PGLS: variants seen among roughly 807,000 people sequenced by gnomAD.
The protein encoded by PGLS is 6-phosphogluconolactonase.
In PGLS, 21 loss-of-function variants were observed where a neutral mutation model predicts 23.2. That is an observed-to-expected ratio of 0.91 (90% CI 0.64 to 1.31). The LOEUF is 1.31. Among genes scored for constraint, PGLS ranks in the 50% most tolerant of loss-of-function variants. PGLS has a pLI of 0.00. For missense variants in PGLS, 410 were observed against 354.0 expected (o/e 1.16, Z -1.27); for synonymous variants, 179 against 165.4 (o/e 1.08, Z -0.63).
chr19:17,521,147 G>T lies in PGLS; in HGVS notation c.*66G>T. ...CCATGGGGCTGGGCCCCTGCTGGCC[G>T]CCACTCTCCGGGCTCTCCTTTCAAA... On this transcript the variant is annotated 3_prime_UTR_variant, in exon 5 of 5. Coordinates refer to ENST00000252603, the MANE Select transcript of PGLS (RefSeq NM_012088.3). The T allele has an allele frequency of 7.0e-7, 1 of 1,431,226 alleles. No homozygotes were observed. Among genetic ancestry groups the T allele is most frequent in the Non-Finnish European group, 9.3e-7 (1 of 1,077,220 alleles). The allele number at this position is 1,431,226 out of a possible 1,614,324, so 88.7% of individuals were successfully genotyped here.
In PGLS at chr19:17,513,512, T is replaced by TAAAAA. The variant is rs34816451; in HGVS notation, c.288+1562_288+1566dup. 4.4e-5 allele frequency among the ~76,000 whole-genome samples: 6 copies of TAAAAA among 137,844 alleles called. 2 individuals carry two copies. The highest frequency in any genetic ancestry group is 4.7e-5 in the Non-Finnish European group (3 of 63,960). 90.4% of individuals were successfully genotyped at this position (137,844 alleles called of 152,430 possible). On this transcript the variant is annotated intron_variant, in intron 1 of 4. Transcript: ENST00000252603. ...CGACAGAGTGAGACTGTCTTAAAGATAAAAAAAAAAAAAAGCAGGTTTTTG... is the reference window on the plus strand; with the variant it reads ...CGACAGAGTGAGACTGTCTTAAAGATAAAAAAAAAAAAAAAAAAAGCAGGTTTTTG...
Position 17,516,297 on chromosome 19 carries a change from G to A in PGLS, c.396+17G>A, listed in dbSNP as rs1406443152. The A allele has an allele frequency of 3.1e-6, 5 of 1,608,910 alleles. No homozygotes were observed. The highest frequency in any genetic ancestry group is 1.7e-5 in the Admixed American group (1 of 59,464). ...CTGAGACAGGTGAGCCCCGAGGAGC[G>A]GCCGCAAGGGAGTCACATCCACGAA... On this transcript the variant is annotated intron_variant, in intron 2 of 4. Coordinates refer to ENST00000252603, the MANE Select transcript of PGLS (RefSeq NM_012088.3).
intron 1 of PGLS, 178 bp from the exon 2 acceptor site, chr19:17,515,995 T>C: frequency 1.9e-6 from 1 of 533,104 alleles, no homozygotes; most frequent in South Asian, 1.9e-5. Flanking sequence ...ATTCCAGAGG[T>C]GACTCACCAA....
intron 4 of PGLS, among the ~76,000 whole-genome samples, 176 bp downstream of exon 4, chr19:17,518,026 C>A (rs1209868574): frequency 1.9e-4 from 27 of 142,342 alleles, no homozygotes; most frequent in Non-Finnish European, 2.3e-4. Context: ...AAAAAAAAAA[C>A]CCCAGAAAAT....
Position 17,517,282 on chromosome 19 carries a change from G to C in PGLS, c.397-6G>C. Reference sequence around the variant, plus strand: ...CCTCTCAAGGCTGTCTTCTCCCCACGCCCAGGCATTCCAAGGGGACTCCAT... The same window carrying C: ...CCTCTCAAGGCTGTCTTCTCCCCACCCCCAGGCATTCCAAGGGGACTCCAT... On this transcript the variant is annotated splice_region_variant and splice_polypyrimidine_tract_variant and intron_variant, in intron 2 of 4. Coordinates refer to ENST00000252603, the MANE Select transcript of PGLS (RefSeq NM_012088.3). 6.2e-7 allele frequency: 1 copy of C among 1,607,996 alleles called. No homozygotes were observed. The highest frequency in any genetic ancestry group is 1.1e-5 in the South Asian group (1 of 90,848).
intron 1 of PGLS, among the ~76,000 whole-genome samples, chr19:17,515,334 G>A (rs1333348129): frequency 6.6e-6 from 1 of 152,168 alleles, no homozygotes. Flanking sequence ...CATTGCCTCA[G>A]CTCACTGAGC....
In PGLS at chr19:17,511,845, T is replaced by A. The variant is rs749837367; in HGVS notation, c.173T>A (p.Leu58Gln). 16 of 1,529,962 alleles carry A rather than the reference T, an allele frequency of 1.0e-5. No individual in the cohort carries two copies. The highest frequency in any genetic ancestry group is 2.0e-5 in the Admixed American group (1 of 50,432). 94.8% of individuals were successfully genotyped at this position (1,529,962 alleles called of 1,614,324 possible). The change falls in exon 1 of 5, where the codon CTA becomes CAA. Residue 58 changes from leucine (L) to glutamine (Q), a missense_variant. By Grantham distance (113) the Leu-to-Gln change is moderately radical. Coordinates refer to ENST00000252603, the MANE Select transcript of PGLS (RefSeq NM_012088.3). ...GSLVSMLARELPAAVAPAGPA... is the reference protein window; with the variant it reads ...GSLVSMLAREQPAAVAPAGPA... ...CTCGTCTCGATGCTAGCCCGCGAGCTACCCGCCGCCGTCGCCCCTGCCGGG... is the reference window on the plus strand; with the variant it reads ...CTCGTCTCGATGCTAGCCCGCGAGCAACCCGCCGCCGTCGCCCCTGCCGGG...
intron 4 of PGLS, among the ~76,000 whole-genome samples, chr19:17,518,828 G>A (rs2144645840): frequency 6.6e-6 from 1 of 152,176 alleles, no homozygotes; most frequent in Admixed American, 6.5e-5. Flanking sequence ...ACCGTGCCTA[G>A]CCTGGTTTTT....
intron 3 of PGLS, 97 bp from the exon 4 acceptor site, chr19:17,517,613 A>T: frequency 7.3e-7 from 1 of 1,365,334 alleles, no homozygotes; most frequent in Non-Finnish European, 1.0e-6. Context: ...GTAGGATGGG[A>T]TGGAACAGTG....
chr19:17,520,500 C>A (rs927843619), intron 4 of PGLS: 1 of 144,290 alleles, frequency 6.9e-6, no homozygotes, highest in African/African-American at 2.6e-5. Flanking sequence ...GAGCCAAGAT[C>A]GCACCATCAC....
chr19:17,517,034 G>A (rs953733652), intron 2 of PGLS, among the ~76,000 whole-genome samples: 1 of 151,834 alleles, frequency 6.6e-6, no homozygotes, highest in East Asian at 1.9e-4. Flanking sequence ...ACAGGTGCCT[G>A]CCACCACGCC....
At chr19:17,517,203 A>T in intron 2 of PGLS, 85 bp from the exon 3 acceptor site, 2 of 834,458 alleles carry the variant, frequency 2.4e-6, no homozygotes, top group Admixed American at 2.0e-5. Context: ...GTATTTTTTT[A>T]TCTGACAACT....
At chr19:17,516,393 C>T (rs2075532729) in intron 2 of PGLS, 113 bp downstream of exon 2, 1 of 1,475,516 alleles carries the variant, frequency 6.8e-7, no homozygotes, top group South Asian at 1.3e-5. Context: ...GGATCACTGG[C>T]AGATCCCTTT....
At chr19:17,520,197 A>C (rs2075550621) in intron 4 of PGLS, among the ~76,000 whole-genome samples, 1 of 152,044 alleles carries the variant, frequency 6.6e-6, no homozygotes. Flanking sequence ...TGGTGGCTCA[A>C]CGTGGGAGTT....
intron 2 of PGLS, 192 bp downstream of exon 2, chr19:17,516,472 C>G (rs1427334514): frequency 1.4e-6 from 2 of 1,394,654 alleles, no homozygotes; most frequent in Non-Finnish European, 1.9e-6. Flanking sequence ...CTCTGTTGCC[C>G]AGGTAACAGG....
At chr19:17,517,052 T>G (rs986311790) in intron 2 of PGLS, among the ~76,000 whole-genome samples, 1 of 151,854 alleles carries the variant, frequency 6.6e-6, no homozygotes, top group Non-Finnish European at 1.5e-5. Context: ...GCCTGGCTAA[T>G]TTTTGTATTT....
chr19:17,516,775 G>T (rs2075534889), intron 2 of PGLS, among the ~76,000 whole-genome samples: 1 of 151,448 alleles, frequency 6.6e-6, no homozygotes, highest in Admixed American at 6.6e-5. Context: ...TTTTAGTAGA[G>T]ACGGGGTTTC....
At chr19:17,513,758 G>T (rs1355349033) in intron 1 of PGLS, among the ~76,000 whole-genome samples, 2 of 152,068 alleles carry the variant, frequency 1.3e-5, no homozygotes, top group African/African-American at 2.4e-5. Context: ...GGCAGAGGTT[G>T]CAGTGAGCTG....
chr19:17,521,226 C>T lies in PGLS; in HGVS notation c.*145C>T. 1 of 777,154 alleles carries T rather than the reference C, an allele frequency of 1.3e-6. No homozygotes were observed. Among genetic ancestry groups the T allele is most frequent in the Non-Finnish European group, 2.0e-6 (1 of 499,846 alleles). 48.1% of individuals were successfully genotyped at this position (777,154 alleles called of 1,614,324 possible). Reference sequence around the variant, plus strand: ...AACAGCCTCCGGCCAGCAGCCCTACCCGGGGCTCAACACACAGGCTGTGGC... The same window carrying T: ...AACAGCCTCCGGCCAGCAGCCCTACTCGGGGCTCAACACACAGGCTGTGGC... On this transcript the variant is annotated 3_prime_UTR_variant, in exon 5 of 5. Coordinates refer to ENST00000252603, the MANE Select transcript of PGLS (RefSeq NM_012088.3).
Sources: gnomAD v4.1 joint callset for allele counts (sites outside exome capture counted in the v4.1 genomes callset) on GRCh38, gnomAD v4.1.1 for gene constraint, MANE v1.5 for transcripts, NCBI Gene and HGNC (gene_info 2026-07-23, HGNC 2026-07-21) for gene names.